The following MAGI3 variants were observed in gnomAD, a reference collection of about 807,000 sequenced individuals.
MAGI3 encodes membrane-associated guanylate kinase, WW and PDZ domain-containing protein 3.
Under a neutral mutation model 121.8 loss-of-function variants are expected in MAGI3, and 43 were observed. The observed-to-expected ratio is 0.35, with a 90% CI of 0.28 to 0.46. The LOEUF (loss-of-function observed/expected upper bound fraction) is 0.46, where lower values mean the gene tolerates loss of function less well. Among genes scored for constraint, MAGI3 ranks in the 20% least tolerant of loss-of-function variants. The pLI is 1.00. For synonymous variants in MAGI3, 553 were observed against 639.3 expected (o/e 0.86, Z 2.04); for missense variants, 1,547 against 1,797.3 (o/e 0.86, Z 2.52).
chr1:113,484,643 C>A (rs1656264988), intron 1 of MAGI3, among the ~76,000 whole-genome samples: 1 of 73,110 alleles, frequency 1.4e-5, no homozygotes, highest in Non-Finnish European at 2.7e-5. Context: ...TCTCCCTTCC[C>A]TTCCCTCCCC....
intron 1 of MAGI3, among the ~76,000 whole-genome samples, chr1:113,440,376 GTTTC>G (rs766856876): frequency 9.3e-4 from 141 of 152,234 alleles, no homozygotes; most frequent in Admixed American, 3.5e-3. Context: ...AATGACTTAA[GTTTC>G]TTTCTTTCTT....
intron 9 of MAGI3, among the ~76,000 whole-genome samples, chr1:113,639,006 T>C (rs369142665): frequency 1.3e-5 from 2 of 152,202 alleles, no homozygotes; most frequent in African/African-American, 2.4e-5. Flanking sequence ...TAGCAATCAG[T>C]GAGACTCCGT....
intron 7 of MAGI3, chr1:113,618,513 T>C (rs1211080452): frequency 2.2e-6 from 1 of 450,936 alleles, no homozygotes; most frequent in Non-Finnish European, 4.4e-6. Flanking sequence ...TTTTATTTTT[T>C]ATTTTTTTTG....
chr1:113,455,958 T>A (rs987391262), intron 1 of MAGI3, among the ~76,000 whole-genome samples: 18 of 147,528 alleles, frequency 1.2e-4, no homozygotes, highest in African/African-American at 4.5e-4. Context: ...TTTCTCTCTC[T>A]TTTTTTTTTG....
intron 1 of MAGI3, among the ~76,000 whole-genome samples, chr1:113,506,103 G>C (rs1657314148): frequency 6.6e-6 from 1 of 152,188 alleles, no homozygotes; most frequent in African/African-American, 2.4e-5. Flanking sequence ...GTAGGCAAGA[G>C]ATGATGGTGA....
intron 1 of MAGI3, among the ~76,000 whole-genome samples, chr1:113,441,765 A>G (rs1346350663): frequency 6.6e-6 from 1 of 152,212 alleles, no homozygotes; most frequent in Non-Finnish European, 1.5e-5. Flanking sequence ...TAGTCCCTCT[A>G]TAATAAAAAA....
chr1:113,505,549 A>AATAAATAAATAAATAT, intron 1 of MAGI3, among the ~76,000 whole-genome samples: 1 of 148,212 alleles, frequency 6.7e-6, no homozygotes, highest in Admixed American at 6.7e-5. Flanking sequence ...TAAATAAATA[A>AATAAATAAATAAATAT]ATAAATATAT....
At chr1:113,561,550 A>T (rs1023296655) in intron 2 of MAGI3, among the ~76,000 whole-genome samples, 6 of 152,370 alleles carry the variant, frequency 3.9e-5, no homozygotes, top group Admixed American at 3.3e-4. Context: ...AAGGCCTTTG[A>T]TAAAATTTAA....
chr1:113,648,924 A>G (rs1653000652), intron 12 of MAGI3, among the ~76,000 whole-genome samples: 1 of 152,172 alleles, frequency 6.6e-6, no homozygotes. Flanking sequence ...CTCAAGTTTG[A>G]TCATTCTGAA....
chr1:113,591,944 A>C (rs1648716551), intron 5 of MAGI3, among the ~76,000 whole-genome samples: 1 of 152,162 alleles, frequency 6.6e-6, no homozygotes, highest in Non-Finnish European at 1.5e-5. Context: ...AAATGGATGA[A>C]AGATCTAAAT....
chr1:113,602,021 A>G (rs569916892), intron 6 of MAGI3, among the ~76,000 whole-genome samples: 74 of 152,112 alleles, frequency 4.9e-4, no homozygotes, highest in Non-Finnish European at 7.2e-4. Context: ...GAACTGAACA[A>G]TGAGAACACA....
rs181321681 is a variant in MAGI3 at position 113,514,218 on chromosome 1, G to A, written c.317-35297G>A. ...GAACCCTTGTGGAAGTCAGTGTGGC[G>A]GTTCCTCAGGGATCTAGAACTAGAA... On this transcript the variant is annotated intron_variant, in intron 1 of 20. Transcript: ENST00000307546. Among the ~76,000 whole-genome samples, 361 of 152,250 alleles carry A rather than the reference G, an allele frequency of 2.4e-3. 2 individuals carry two copies. Among genetic ancestry groups the A allele is most frequent in the African/African-American group, 8.2e-3 (342 of 41,554 alleles).
At chr1:113,491,902 A>G (rs1656688053) in intron 1 of MAGI3, among the ~76,000 whole-genome samples, 1 of 152,210 alleles carries the variant, frequency 6.6e-6, no homozygotes, top group Admixed American at 6.5e-5. Flanking sequence ...AAAAGAGCCC[A>G]GGACTAGACA....
chr1:113,432,923 C>T (rs1377540280), intron 1 of MAGI3, among the ~76,000 whole-genome samples: 1 of 152,064 alleles, frequency 6.6e-6, no homozygotes, highest in Non-Finnish European at 1.5e-5. Flanking sequence ...TGCCTCATGC[C>T]TGTAATCCTA....
chr1:113,437,806 T>TTC lies in MAGI3; in HGVS notation c.316+46458_316+46459insCT, dbSNP rs1653654507. 2.5e-5 allele frequency among the ~76,000 whole-genome samples: 3 copies of TTC among 119,582 alleles called. No individual in the cohort carries two copies. In the Admixed American group the frequency reaches 2.8e-4, roughly 11 times the overall value. 78.5% of individuals were successfully genotyped at this position (119,582 alleles called of 152,430 possible). On this transcript the variant is annotated intron_variant, in intron 1 of 20. Coordinates refer to ENST00000307546, the MANE Select transcript of MAGI3 (RefSeq NM_001142782.2). ...CTTCTTCTTCCTTCTTCTTTCTTCTTTTCTTCTTCTTCTTCTTCTTCTTCT... is the reference window on the plus strand; with the variant it reads ...CTTCTTCTTCCTTCTTCTTTCTTCTTTCTTCTTCTTCTTCTTCTTCTTCTTCT...
At chr1:113,512,419 A>G (rs1657662964) in intron 1 of MAGI3, among the ~76,000 whole-genome samples, 1 of 152,226 alleles carries the variant, frequency 6.6e-6, no homozygotes, top group Non-Finnish European at 1.5e-5. Flanking sequence ...AGGGAGAACT[A>G]GTCACTACAA....
At chr1:113,548,317 A>G (rs1222358553) in intron 1 of MAGI3, among the ~76,000 whole-genome samples, 1 of 152,236 alleles carries the variant, frequency 6.6e-6, no homozygotes, top group Non-Finnish European at 1.5e-5. Flanking sequence ...AACCCTTACT[A>G]TAAATTCATT....
intron 1 of MAGI3, among the ~76,000 whole-genome samples, chr1:113,421,247 T>G (rs1017761307): frequency 6.6e-6 from 1 of 152,178 alleles, no homozygotes; most frequent in East Asian, 1.9e-4. Flanking sequence ...CTGTCCCACA[T>G]GGTAAATATG....
At chr1:113,479,092 T>G (rs530620011) in intron 1 of MAGI3, among the ~76,000 whole-genome samples, 1 of 152,260 alleles carries the variant, frequency 6.6e-6, no homozygotes, top group Admixed American at 6.5e-5. Context: ...TCCCGGTTGC[T>G]AAGACCTTGG....
Sources: allele counts gnomAD v4.1 joint callset (sites outside exome capture counted in the v4.1 genomes callset), GRCh38; gene constraint gnomAD v4.1.1; transcripts MANE v1.5; gene names NCBI Gene and HGNC (gene_info 2026-07-23, HGNC 2026-07-21).